The following NRG3 variants were observed in gnomAD, a reference collection of about 807,000 sequenced individuals.
NRG3 encodes neuregulin 3.
Under a neutral mutation model 66.9 loss-of-function variants are expected in NRG3, and 31 were observed. The observed-to-expected ratio is 0.46, with a 90% CI of 0.35 to 0.63. The LOEUF is 0.63. Among genes scored for constraint, NRG3 ranks in the 20% least tolerant of loss-of-function variants. The pLI is 0.00. For missense variants in NRG3, 910 were observed against 878.9 expected (o/e 1.04, Z -0.45); for synonymous variants, 393 against 359.4 (o/e 1.09, Z -1.06).
rs183392777 is a variant in NRG3, at chr10:82,544,781, T to C, written c.953+185913T>C. 5.3e-4 allele frequency among the ~76,000 whole-genome samples: 81 copies of C among 152,298 alleles called. 1 individual carries two copies. Among genetic ancestry groups the C allele is most frequent in the Admixed American group, 2.7e-3 (41 of 15,300 alleles). ...GATAGCTCAGTTCAATAAACACTTA[T>C]TATTGATAGCTCCTAAACAATACAT... On this transcript the variant is annotated intron_variant, in intron 2 of 8. Coordinates refer to ENST00000372141, the MANE Select transcript of NRG3 (RefSeq NM_001010848.4).
intron 2 of NRG3, among the ~76,000 whole-genome samples, chr10:82,415,391 C>A (rs1314123013): frequency 6.6e-6 from 1 of 152,040 alleles, no homozygotes; most frequent in Admixed American, 6.6e-5. Flanking sequence ...AAGTGCTTAC[C>A]ACAAAGGTTT....
chr10:82,510,846 T>C (rs918561434), intron 2 of NRG3, among the ~76,000 whole-genome samples: 2 of 151,332 alleles, frequency 1.3e-5, no homozygotes, highest in African/African-American at 4.9e-5. Flanking sequence ...CAGAGCAGGG[T>C]GGAAAAGAAC....
chr10:82,680,244 A>G (rs2054016836), intron 2 of NRG3, among the ~76,000 whole-genome samples: 1 of 152,208 alleles, frequency 6.6e-6, no homozygotes, highest in Middle Eastern at 3.2e-3. Context: ...CTCACATCTA[A>G]TAACTGCTAA....
chr10:82,005,830 C>T (rs2061358540), intron 1 of NRG3, among the ~76,000 whole-genome samples: 1 of 151,890 alleles, frequency 6.6e-6, no homozygotes. Flanking sequence ...AAGTAGTCTA[C>T]CCTTACACTG....
intron 2 of NRG3, among the ~76,000 whole-genome samples, chr10:82,384,386 A>G (rs1357194969): frequency 2.6e-5 from 4 of 152,126 alleles, no homozygotes; most frequent in Non-Finnish European, 2.9e-5. Context: ...TCATCCCGTC[A>G]CCCAGAATCC....
At chr10:81,877,642 C>G (rs1841792811) in intron 1 of NRG3, 1 of 1,188,484 alleles carries the variant, frequency 8.4e-7, no homozygotes, top group African/African-American at 1.6e-5. Flanking sequence ...AAAAAGCAAA[C>G]CTACTTTGCT....
intron 2 of NRG3, among the ~76,000 whole-genome samples, chr10:82,467,420 T>G (rs1413458008): frequency 1.3e-5 from 2 of 152,180 alleles, no homozygotes; most frequent in African/African-American, 4.8e-5. Flanking sequence ...GCAGAGGCCC[T>G]CTCAGGGAAA....
chr10:81,962,886 A>T (rs1435412323), intron 1 of NRG3, among the ~76,000 whole-genome samples: 1 of 152,158 alleles, frequency 6.6e-6, no homozygotes, highest in African/African-American at 2.4e-5. Flanking sequence ...CACTTCCTGC[A>T]TAGTGATTGG....
chr10:82,116,982 C>A (rs1452857501), intron 1 of NRG3, among the ~76,000 whole-genome samples: 1 of 152,106 alleles, frequency 6.6e-6, no homozygotes, highest in Non-Finnish European at 1.5e-5. Flanking sequence ...CTAGGGTTCA[C>A]CTCAAGGAGC....
chr10:82,313,967 G>A (rs1470959168), intron 1 of NRG3, among the ~76,000 whole-genome samples: 1 of 152,174 alleles, frequency 6.6e-6, no homozygotes, highest in East Asian at 1.9e-4. Context: ...TAAAAAAGAA[G>A]TGAATTAAAC....
intron 2 of NRG3, among the ~76,000 whole-genome samples, chr10:82,521,316 G>T (rs1846154662): frequency 6.6e-6 from 1 of 152,096 alleles, no homozygotes; most frequent in Non-Finnish European, 1.5e-5. Flanking sequence ...TCATCAGGGT[G>T]GTGGTTGCTG....
chr10:82,326,680 C>T (rs2081890081), intron 1 of NRG3, among the ~76,000 whole-genome samples: 1 of 152,096 alleles, frequency 6.6e-6, no homozygotes, highest in Non-Finnish European at 1.5e-5. Context: ...TCCATCCCAT[C>T]CAGTGCATTT....
intron 2 of NRG3, among the ~76,000 whole-genome samples, chr10:82,451,884 A>T (rs2091032621): frequency 6.6e-6 from 1 of 152,192 alleles, no homozygotes; most frequent in Non-Finnish European, 1.5e-5. Context: ...TTTGTTTTTG[A>T]AGAATTTCAT....
intron 2 of NRG3, among the ~76,000 whole-genome samples, chr10:82,490,969 G>A (rs772688908): frequency 8.1e-4 from 123 of 151,996 alleles, no homozygotes; most frequent in Non-Finnish European, 1.4e-3. Context: ...AATGTGTCCC[G>A]TTATGTCATT....
At chr10:82,398,450 T>A (rs1446484971) in intron 2 of NRG3, among the ~76,000 whole-genome samples, 1 of 151,622 alleles carries the variant, frequency 6.6e-6, no homozygotes, top group African/African-American at 2.4e-5. Flanking sequence ...TCAAACAACT[T>A]TGGTTCCAAC....
chr10:82,811,207 A>G (rs557617499), intron 3 of NRG3, among the ~76,000 whole-genome samples: 56 of 152,310 alleles, frequency 3.7e-4, no homozygotes, highest in Non-Finnish European at 6.0e-4. Context: ...ACTTATAACC[A>G]TCTTCACATG....
At chr10:82,567,778 G>A (rs1590701863) in intron 2 of NRG3, among the ~76,000 whole-genome samples, 1 of 151,924 alleles carries the variant, frequency 6.6e-6, no homozygotes, top group South Asian at 2.1e-4. Flanking sequence ...TTCAGAGGTA[G>A]TTTCTTTACA....
chr10:82,230,653 A>G (rs374548904), intron 1 of NRG3, among the ~76,000 whole-genome samples: 6 of 152,244 alleles, frequency 3.9e-5, no homozygotes, highest in African/African-American at 1.4e-4. Context: ...AACATTAAAT[A>G]TGTTGAAAAT....
intron 1 of NRG3, among the ~76,000 whole-genome samples, chr10:81,920,769 A>G (rs943888111): frequency 1.1e-4 from 16 of 152,134 alleles, no homozygotes; most frequent in African/African-American, 3.6e-4. Context: ...TTTCTAATTC[A>G]TCTTATTCAC....
Sources: gnomAD v4.1 joint callset for allele counts (sites outside exome capture counted in the v4.1 genomes callset) on GRCh38, gnomAD v4.1.1 for gene constraint, MANE v1.5 for transcripts, NCBI Gene and HGNC (gene_info 2026-07-23, HGNC 2026-07-21) for gene names.